The following KANSL3 variants were observed in gnomAD, a reference collection of about 807,000 sequenced individuals.
KANSL3 encodes the protein KAT8 regulatory NSL complex subunit 3, also known as NSL complex protein NSL3.
KANSL3 carries 16 observed loss-of-function variants against 89.2 expected under a neutral mutation model. That is an observed-to-expected ratio of 0.18 (90% CI 0.12 to 0.27). The LOEUF (loss-of-function observed/expected upper bound fraction) is 0.27, where lower values mean the gene tolerates loss of function less well. Ranked by LOEUF, KANSL3 falls within the 10% of genes least tolerant of loss-of-function variation. The pLI, the probability that KANSL3 is intolerant of heterozygous loss-of-function variation, is 1.00. For synonymous variants in KANSL3, 385 were observed against 419.7 expected, an observed-to-expected ratio of 0.92 and a Z score of 1.01; for missense variants, 879 against 1,110.6, an observed-to-expected ratio of 0.79 and a Z score of 2.96.
intron 5 of KANSL3, among the ~76,000 whole-genome samples, chr2:96,618,485 C>T (rs1166474491): frequency 4.6e-5 from 7 of 152,212 alleles, no homozygotes; most frequent in Admixed American, 3.9e-4. Flanking sequence ...CTACTATGCC[C>T]GGCCGTGAGG....
intron 20 of KANSL3, chr2:96,600,574 A>T (rs896375575): frequency 1.0e-6 from 1 of 985,296 alleles, no homozygotes; most frequent in Non-Finnish European, 1.2e-6. Flanking sequence ...GTTCACAAGC[A>T]GGTTGACATG....
At chr2:96,631,517 C>A in intron 2 of KANSL3, 35 bp from the exon 3 acceptor site, 1 of 1,552,394 alleles carries the variant, frequency 6.4e-7, no homozygotes, top group Non-Finnish European at 8.7e-7. Context: ...CCGGGCCACA[C>A]ATACTTCACA....
At chr2:96,582,160 C>T in the KANSL3 span, among the ~76,000 whole-genome samples, 2 of 152,098 alleles carry the variant, frequency 1.3e-5, no homozygotes, top group Non-Finnish European at 1.5e-5. Flanking sequence ...GAGGCCAAGA[C>T]GGGCGGATGA....
chr2:96,600,432 C>T, intron 20 of KANSL3: 1 of 983,834 alleles, frequency 1.0e-6, no homozygotes, highest in Non-Finnish European at 1.2e-6. Flanking sequence ...TAAAACATTT[C>T]CATCCCTCTG....
At chr2:96,631,997 G>C (rs2073471808) in intron 2 of KANSL3, among the ~76,000 whole-genome samples, 1 of 152,124 alleles carries the variant, frequency 6.6e-6, no homozygotes, top group Non-Finnish European at 1.5e-5. Flanking sequence ...AGTGAGCCAT[G>C]ATTGCATCAC....
chr2:96,621,341 C>T (rs1224257833), intron 3 of KANSL3, among the ~76,000 whole-genome samples: 1 of 151,888 alleles, frequency 6.6e-6, no homozygotes. Context: ...TGGTGAAACC[C>T]CATCTCTACT....
At chr2:96,634,459 T>C (rs917724323) in intron 2 of KANSL3, among the ~76,000 whole-genome samples, 5 of 151,122 alleles carry the variant, frequency 3.3e-5, no homozygotes, top group Non-Finnish European at 7.4e-5. Context: ...GAGGTTGCAG[T>C]GAGCCAAGAT....
At position 96,604,280 on chromosome 2, in the gene KANSL3, C is replaced by A; in HGVS notation, c.2119G>T (p.Val707Leu). 1 of 1,610,884 alleles carries A rather than the reference C, an allele frequency of 6.2e-7. No individual in the cohort carries two copies. The highest frequency in any genetic ancestry group is 8.5e-7 in the Non-Finnish European group (1 of 1,178,708). Reference sequence around the variant, plus strand: ...AGGGAGCTGCCAGGAGATGTGGCCACCAGGCGGCTCTGCAGTGTGTGCAAG... The same window carrying A: ...AGGGAGCTGCCAGGAGATGTGGCCAACAGGCGGCTCTGCAGTGTGTGCAAG... ...SALHTLQSRLVATSPGSSLPG... is the reference protein window; with the variant it reads ...SALHTLQSRLLATSPGSSLPG... Residue 707 changes from valine to leucine, a missense_variant, in exon 17 of 21, where the codon GTG becomes TTG. Physicochemically the swap from Val to Leu is conservative, Grantham distance 32 (BLOSUM62 1). Coordinates refer to ENST00000431828, the MANE Select transcript of KANSL3 (RefSeq NM_001115016.3).
intron 20 of KANSL3, among the ~76,000 whole-genome samples, chr2:96,597,345 C>CT (rs1435285208): frequency 6.6e-6 from 1 of 152,096 alleles, no homozygotes; most frequent in Non-Finnish European, 1.5e-5. Context: ...ACAACAGTCA[C>CT]TGAATTAAGT....
intron 2 of KANSL3, 127 bp from the exon 3 acceptor site, chr2:96,631,609 A>G: frequency 6.0e-6 from 7 of 1,158,412 alleles, no homozygotes; most frequent in Non-Finnish European, 8.8e-6. Context: ...CATTATATTC[A>G]CAAGAAAATT....
chr2:96,600,957 C>A (rs2067093017), intron 20 of KANSL3: 1 of 890,316 alleles, frequency 1.1e-6, no homozygotes, highest in Non-Finnish European at 1.3e-6. Context: ...CCAGCTTGGG[C>A]AACATAGTGA....
chr2:96,612,211 G>T (rs1352393976), intron 9 of KANSL3, 71 bp downstream of exon 9: 3 of 1,037,456 alleles, frequency 2.9e-6, no homozygotes, highest in Non-Finnish European at 4.6e-6. Flanking sequence ...CACAGTAAAG[G>T]ACTCAATGGT....
At chr2:96,600,790 T>G in intron 20 of KANSL3, 7 of 985,414 alleles carry the variant, frequency 7.1e-6, no homozygotes, top group Non-Finnish European at 8.4e-6. Flanking sequence ...AATCATGACT[T>G]CCTGGGTGAG....
At chr2:96,624,962 T>A (rs2072029472) in intron 3 of KANSL3, among the ~76,000 whole-genome samples, 1 of 152,080 alleles carries the variant, frequency 6.6e-6, no homozygotes, top group Non-Finnish European at 1.5e-5. Context: ...TCCCAGCACT[T>A]TGGGAGGCCA....
In KANSL3 at chr2:96,608,596, G is replaced by A; in HGVS notation, c.1653C>T (p.Ala551=). 1 of 1,613,990 alleles carries A rather than the reference G, an allele frequency of 6.2e-7. No homozygotes were observed. The highest frequency in any genetic ancestry group is 8.5e-7 in the Non-Finnish European group (1 of 1,179,890). ...AACTTCCAATCTGACTGGACTTCTG[G>A]GCAGAGGTCACTGTGGTCACTTTGG... ...PKTKVTTVTS[A]QKSSQIGSSQ... The change falls in exon 14 of 21, where the codon GCC becomes GCT. Residue 551 remains alanine, a synonymous_variant. Coordinates refer to ENST00000431828, the MANE Select transcript of KANSL3 (RefSeq NM_001115016.3).
At chr2:96,633,695 G>A (rs903663724) in intron 2 of KANSL3, among the ~76,000 whole-genome samples, 6 of 151,836 alleles carry the variant, frequency 4.0e-5, no homozygotes, top group African/African-American at 2.4e-5. Context: ...GTGAAACCTC[G>A]TCTCTACTAA....
At chr2:96,626,300 T>A (rs1409082051) in intron 3 of KANSL3, among the ~76,000 whole-genome samples, 1 of 147,866 alleles carries the variant, frequency 6.8e-6, no homozygotes, top group Non-Finnish European at 1.5e-5. Context: ...TTTTTCAGAT[T>A]ATAAAATTCT....
chr2:96,600,866 T>C (rs536740223), intron 20 of KANSL3: 12 of 985,408 alleles, frequency 1.2e-5, no homozygotes, highest in African/African-American at 1.0e-4. Flanking sequence ...GAAGGCACAG[T>C]GCTAGAAAGC....
chr2:96,638,001 C>G (rs1161485038), intron 1 of KANSL3: 2 of 152,382 alleles, frequency 1.3e-5, no homozygotes, highest in Non-Finnish European at 2.9e-5. Context: ...TGGCCAAGGT[C>G]ATCCAGAGTT....
Sources: gnomAD v4.1 joint callset for allele counts (sites outside exome capture counted in the v4.1 genomes callset) on GRCh38, gnomAD v4.1.1 for gene constraint, MANE v1.5 for transcripts, NCBI Gene and HGNC (gene_info 2026-07-23, HGNC 2026-07-21) for gene names.